Variants in TBX19 observed in about 807,000 individuals in gnomAD.
TBX19 encodes T-box transcription factor TBX19.
TBX19 carries 33 observed loss-of-function variants against 40.9 expected under a neutral mutation model. The ratio of observed to expected loss-of-function variants is 0.81; its 90% CI spans 0.61 to 1.08. The LOEUF (loss-of-function observed/expected upper bound fraction) is 1.08. Ranked by LOEUF, TBX19 falls within the 50% of genes least tolerant of loss-of-function variation. TBX19 has a pLI of 0.00. For missense variants in TBX19, 494 were observed against 574.0 expected (o/e 0.86, Z 1.42); for synonymous variants, 220 against 225.0 (o/e 0.98, Z 0.20).
In TBX19 at chr1:168,305,042, G is replaced by A; in HGVS notation, c.762G>A (p.Val254=). ...GGWIFSNPDG[V]CTAGNSNYQY... ...GGATCTTTTCCAATCCAGATGGAGT[G>A]TGCACAGCAGGAAACTCCAATTACC... The change falls in exon 6 of 8, where the codon GTG becomes GTA. Residue 254 remains valine (V), a synonymous_variant. Coordinates refer to ENST00000367821, the MANE Select transcript of TBX19 (RefSeq NM_005149.3). 6.2e-7 allele frequency: 1 copy of A among 1,614,148 alleles called. No homozygotes were observed. The highest frequency in any genetic ancestry group is 8.5e-7 in the Non-Finnish European group (1 of 1,180,040).
In TBX19 at chr1:168,290,396, T is replaced by C. The variant is rs116348445; in HGVS notation, c.204-764T>C. The stretch of plus-strand genomic sequence containing the variant: ...GCTTAGTTAAATGATAATCCCACTG[T>C]CACATACATTTAGGGTGTGCACGTC... On this transcript the variant is annotated intron_variant, in intron 1 of 7. Transcript: ENST00000367821. Among the ~76,000 whole-genome samples, 544 of 152,362 alleles carry C rather than the reference T, an allele frequency of 3.6e-3. 8 individuals carry two copies. The highest frequency in any genetic ancestry group is 0.013 in the African/African-American group (522 of 41,580).
At chr1:168,284,898 A>T (rs552470571) in intron 1 of TBX19, among the ~76,000 whole-genome samples, 6 of 152,104 alleles carry the variant, frequency 3.9e-5, no homozygotes, top group South Asian at 2.1e-4. Context: ...TACTAAGTTT[A>T]AATTTGCCGA....
In TBX19 at chr1:168,286,769, G is replaced by A. The variant is rs1032047059; in HGVS notation, c.204-4391G>A. On this transcript the variant is annotated intron_variant, in intron 1 of 7. Coordinates refer to ENST00000367821, the MANE Select transcript of TBX19 (RefSeq NM_005149.3). ...AGGAGTGGAATTGCTGGATTATTGA[G>A]AAACTGTATATTTAACCAAGTGAGG... Among the ~76,000 whole-genome samples, 11 of 152,332 alleles carry A rather than the reference G, an allele frequency of 7.2e-5. 1 individual carries two copies. The South Asian group carries it at 2.3e-3, about 32-fold the overall frequency.
intron 6 of TBX19, 111 bp downstream of exon 6, chr1:168,305,307 C>A: frequency 1.1e-6 from 1 of 941,140 alleles, no homozygotes; most frequent in Non-Finnish European, 1.7e-6. Flanking sequence ...ACCCCGTCAT[C>A]TAATATACAT....
chr1:168,281,201 G>A lies in TBX19; in HGVS notation c.111G>A (p.Thr37=), dbSNP rs1199497929. 6 of 1,614,026 alleles carry A rather than the reference G, an allele frequency of 3.7e-6. No homozygotes were observed. The highest frequency in any genetic ancestry group is 2.7e-5 in the African/African-American group (2 of 74,920). ...LQAGREKGDP[T]EKQLQIILED... is the part of the protein sequence containing the mutation. ...CAGGGAGGGAAAAAGGCGACCCTAC[G>A]GAGAAGCAACTTCAGATCATCCTGG... The change falls in exon 1 of 8, where the codon ACG becomes ACA. Residue 37 remains threonine (T), a synonymous_variant. Coordinates refer to ENST00000367821, the MANE Select transcript of TBX19 (RefSeq NM_005149.3).
rs1453486124 is a variant in TBX19 at position 168,298,823 on chromosome 1, CTTTCTT to C, written c.665+1040_665+1045del. ...CTCCCCTCCCTCCCTCCCTCCCTTC[CTTTCTT>C]TCTTTCTTTCTTTCTTTCTTTCTTT... is the stretch of plus-strand genomic sequence containing the variant. On this transcript the variant is annotated intron_variant, in intron 4 of 7. Transcript: ENST00000367821. Among the ~76,000 whole-genome samples the C allele has an allele frequency of 6.9e-3, 107 of 15,530 alleles. 14 individuals carry two copies. Among genetic ancestry groups the C allele is most frequent in the African/African-American group, 0.024 (84 of 3,464 alleles). 10.2% of individuals were successfully genotyped at this position (15,530 alleles called of 152,430 possible).
Position 168,312,767 on chromosome 1 carries a change from C to T in TBX19, c.1112C>T (p.Pro371Leu), listed in dbSNP as rs138080739. The T allele has an allele frequency of 4.2e-5, 68 of 1,614,206 alleles. No homozygotes were observed. The highest frequency in any genetic ancestry group is 1.7e-4 in the African/African-American group (13 of 75,068). ...NGAGGPSGPG[P>L]EVHASTPGAF... ...GCCGGAGGCCCCAGTGGGCCAGGCC[C>T]GGAGGTGCACGCCAGCACCCCAGGA... is the stretch of plus-strand genomic sequence containing the variant. The change falls in exon 8 of 8, where the codon CCG becomes CTG. Residue 371 changes from proline (P) to leucine (L), a missense_variant. By Grantham distance (98) the Pro-to-Leu change is moderately conservative (BLOSUM62 -3). Around this residue, in one of 3 missense-constraint regions of TBX19, gnomAD observed 284 missense variants for 307.3 expected, o/e 0.92. Transcript: ENST00000367821.
In TBX19 at chr1:168,313,095, AT is replaced by A. The variant is rs921402307; in HGVS notation, c.*94del. On this transcript the variant is annotated 3_prime_UTR_variant, in exon 8 of 8. Coordinates refer to ENST00000367821, the MANE Select transcript of TBX19 (RefSeq NM_005149.3). ...CTGATCTAGTGAGTCAGACTGTGGA[AT>A]CTCCCTTCCCACTAGCTGGAGGTGG... is the stretch of plus-strand genomic sequence containing the variant. The A allele has an allele frequency of 1.3e-6, 2 of 1,498,564 alleles. No individual in the cohort carries two copies. The highest frequency in any genetic ancestry group is 2.8e-5 in the African/African-American group (2 of 72,448). 92.8% of individuals were successfully genotyped at this position (1,498,564 alleles called of 1,614,324 possible). A position where few individuals can be genotyped will look rare whatever the true frequency, so the allele number is the denominator to read the frequency against.
At position 168,314,240 on chromosome 1, in the gene TBX19, GT is replaced by G; in HGVS notation, c.*1243del. The G allele has an allele frequency of 6.5e-6, 1 of 152,876 alleles. No individual in the cohort carries two copies. The highest frequency in any genetic ancestry group is 1.5e-5 in the Non-Finnish European group (1 of 68,130). The allele number at this position is 152,876 out of a possible 1,614,324, so 9.5% of individuals were successfully genotyped here. On this transcript the variant is annotated 3_prime_UTR_variant, in exon 8 of 8. Coordinates refer to ENST00000367821, the MANE Select transcript of TBX19 (RefSeq NM_005149.3). ...TATCTCTGCTCGCTGTTCTCCCGTT[GT>G]TTTTGCCTCTGCCATAGAGCTCACC... is the stretch of plus-strand genomic sequence containing the variant.
At chr1:168,290,058 G>A (rs965219957) in intron 1 of TBX19, among the ~76,000 whole-genome samples, 11 of 152,070 alleles carry the variant, frequency 7.2e-5, no homozygotes, top group African/African-American at 2.7e-4. Flanking sequence ...GCCAGGCGTG[G>A]TGGCACACAT....
intron 1 of TBX19, among the ~76,000 whole-genome samples, chr1:168,286,578 G>C (rs1421442950): frequency 6.6e-6 from 1 of 152,104 alleles, no homozygotes; most frequent in African/African-American, 2.4e-5. Context: ...CTTTTTTATT[G>C]ACAAATACTC....
At chr1:168,308,002 C>G (rs1439906731) in intron 6 of TBX19, 1 of 152,236 alleles carries the variant, frequency 6.6e-6, no homozygotes, top group African/African-American at 2.4e-5. Context: ...ATCCTTTGAC[C>G]AATATCTCAT....
chr1:168,295,307 T>A (rs913450638), intron 3 of TBX19, among the ~76,000 whole-genome samples: 11 of 151,796 alleles, frequency 7.2e-5, no homozygotes, highest in Admixed American at 6.6e-4. Flanking sequence ...AAAAAAAAGA[T>A]CTTGTTGTTG....
intron 1 of TBX19, among the ~76,000 whole-genome samples, chr1:168,281,576 G>GGGCATTTTCCCC (rs1648651181): frequency 6.6e-6 from 1 of 152,230 alleles, no homozygotes; most frequent in Non-Finnish European, 1.5e-5. Context: ...TGGGAAAATG[G>GGGCATTTTCCCC]ACTTAAATGT....
At chr1:168,295,063 C>T (rs566950676) in intron 3 of TBX19, among the ~76,000 whole-genome samples, 19 of 152,124 alleles carry the variant, frequency 1.2e-4, no homozygotes, top group South Asian at 1.0e-3. Context: ...GAGGCCAAGG[C>T]GGGCAGATCA....
At chr1:168,299,602 A>G (rs1046746745) in intron 4 of TBX19, among the ~76,000 whole-genome samples, 1 of 152,060 alleles carries the variant, frequency 6.6e-6, no homozygotes, top group African/African-American at 2.4e-5. Context: ...CAGCCTCCCA[A>G]GTAGTGGGGA....
In TBX19 at chr1:168,293,141, C is replaced by T; in HGVS notation, c.469-3C>T. 2 of 1,613,774 alleles carry T rather than the reference C, an allele frequency of 1.2e-6. No individual in the cohort carries two copies. Among genetic ancestry groups the T allele is most frequent in the Non-Finnish European group, 8.5e-7 (1 of 1,179,896 alleles). On this transcript the variant is annotated splice_region_variant and splice_polypyrimidine_tract_variant and intron_variant, in intron 2 of 7. Transcript: ENST00000367821. Reference sequence around the variant, plus strand: ...TCCTCTTTCTCTTCTCCTGCCTCGACAGATAATGTTGAATTCTCTGCATAA... The same window carrying T: ...TCCTCTTTCTCTTCTCCTGCCTCGATAGATAATGTTGAATTCTCTGCATAA...
At chr1:168,288,824 G>C (rs546399652) in intron 1 of TBX19, among the ~76,000 whole-genome samples, 2 of 151,928 alleles carry the variant, frequency 1.3e-5, no homozygotes, top group East Asian at 3.9e-4. Context: ...ACAGTGGTGT[G>C]ATAATAGCTC....
At chr1:168,290,691 C>A (rs1305377754) in intron 1 of TBX19, among the ~76,000 whole-genome samples, 3 of 152,198 alleles carry the variant, frequency 2.0e-5, no homozygotes, top group Admixed American at 1.3e-4. Flanking sequence ...ACTGGGATTA[C>A]CATGCCCAGC....
Sources: allele counts gnomAD v4.1 joint callset (sites outside exome capture counted in the v4.1 genomes callset), GRCh38; gene constraint gnomAD v4.1.1; regional missense constraint gnomAD v4.1.1; transcripts MANE v1.5; gene names NCBI Gene and HGNC (gene_info 2026-07-23, HGNC 2026-07-21).